GNAO1: variants seen among roughly 807,000 people sequenced by gnomAD.
The protein encoded by GNAO1 is G protein subunit alpha o1, also known as guanine nucleotide-binding protein G(o) subunit alpha.
For missense variants in GNAO1, 166 were observed against 478.7 expected (o/e 0.35, Z 6.10); for synonymous variants, 164 against 180.7 (o/e 0.91, Z 0.74).
chr16:56,232,781 AGGGGTTGG>A (rs2036602493), intron 2 of GNAO1, among the ~76,000 whole-genome samples: 1 of 152,198 alleles, frequency 6.6e-6, no homozygotes, highest in Non-Finnish European at 1.5e-5. Context: ...CCTCCTCAAA[AGGGGTTGG>A]GGTGAAGCGC....
At chr16:56,192,974 GTC>G (rs2036194259) in intron 2 of GNAO1, 2 of 220,058 alleles carry the variant, frequency 9.1e-6, no homozygotes, top group Admixed American at 1.0e-4. Context: ...TTCTGTCTGT[GTC>G]TCTGTTTCAT....
intron 4 of GNAO1, 114 bp downstream of exon 4, chr16:56,328,905 C>A: frequency 9.7e-7 from 1 of 1,027,902 alleles, no homozygotes; most frequent in Non-Finnish European, 1.4e-6. Flanking sequence ...TCACGCCTGC[C>A]GGGAGATGTT....
intron 2 of GNAO1, chr16:56,194,439 A>G (rs1342449550): frequency 1.4e-5 from 5 of 357,750 alleles, no homozygotes; most frequent in African/African-American, 1.1e-4. Context: ...GCCCAGTAGA[A>G]GCCCCAGCCA....
At chr16:56,240,815 C>T (rs118021611) in intron 2 of GNAO1, among the ~76,000 whole-genome samples, 1,857 of 152,174 alleles carry the variant, frequency 0.012, 54 homozygotes, top group South Asian at 0.069. Flanking sequence ...TGCACAGTCA[C>T]GAGGAGAAGG....
At chr16:56,257,675 G>A (rs771708236) in intron 2 of GNAO1, among the ~76,000 whole-genome samples, 10 of 152,290 alleles carry the variant, frequency 6.6e-5, no homozygotes, top group East Asian at 3.9e-4. Flanking sequence ...ACTACAGCCC[G>A]TATTTATTAG....
chr16:56,345,060 G>A (rs1217673546), intron 6 of GNAO1: 5 of 982,086 alleles, frequency 5.1e-6, no homozygotes, highest in Non-Finnish European at 6.0e-6. Context: ...ACACCCCCCT[G>A]TCCCCAACTC....
At chr16:56,220,954 G>C (rs1354352695) in intron 2 of GNAO1, among the ~76,000 whole-genome samples, 2 of 152,050 alleles carry the variant, frequency 1.3e-5, no homozygotes, top group African/African-American at 4.8e-5. Context: ...CACCATCTTG[G>C]CCAGGCTGGT....
intron 3 of GNAO1, among the ~76,000 whole-genome samples, chr16:56,295,325 G>C (rs980629335): frequency 6.6e-6 from 1 of 152,214 alleles, no homozygotes; most frequent in East Asian, 1.9e-4. Context: ...GGTCCTTCTC[G>C]TCTGTTCTCT....
At chr16:56,296,770 CCAAA>C (rs1344492747) in intron 3 of GNAO1, among the ~76,000 whole-genome samples, 3 of 152,190 alleles carry the variant, frequency 2.0e-5, no homozygotes, top group Non-Finnish European at 4.4e-5. Context: ...TTCTGGGAAA[CCAAA>C]CAGAGCCCGT....
intron 3 of GNAO1, among the ~76,000 whole-genome samples, chr16:56,328,319 G>A (rs2037655697): frequency 1.3e-5 from 2 of 152,188 alleles, no homozygotes; most frequent in African/African-American, 2.4e-5. Context: ...CCTGCTGGTT[G>A]AGTTGGAGAG....
At chr16:56,247,303 C>G (rs2036756110) in intron 2 of GNAO1, among the ~76,000 whole-genome samples, 1 of 152,196 alleles carries the variant, frequency 6.6e-6, no homozygotes, top group African/African-American at 2.4e-5. Context: ...TGTCCCATGT[C>G]TCTGCCTGTC....
At chr16:56,319,778 G>T (rs2037553546) in intron 3 of GNAO1, among the ~76,000 whole-genome samples, 1 of 152,058 alleles carries the variant, frequency 6.6e-6, no homozygotes. Flanking sequence ...ACTTCTGGGG[G>T]GTACCTGTAC....
chr16:56,300,051 G>A (rs1476581865), intron 3 of GNAO1, among the ~76,000 whole-genome samples: 36 of 91,620 alleles, frequency 3.9e-4, no homozygotes, highest in Middle Eastern at 4.9e-3. Flanking sequence ...GCGCGCGCGC[G>A]CACGCACATG....
At chr16:56,231,584 G>A (rs947068823) in intron 2 of GNAO1, among the ~76,000 whole-genome samples, 1 of 152,196 alleles carries the variant, frequency 6.6e-6, no homozygotes, top group Non-Finnish European at 1.5e-5. Context: ...GAACAACTGG[G>A]AGGGACTAAA....
chr16:56,260,672 T>C (rs1203162673), intron 2 of GNAO1, among the ~76,000 whole-genome samples: 1 of 151,326 alleles, frequency 6.6e-6, no homozygotes, highest in Admixed American at 6.6e-5. Context: ...GGGATCGATG[T>C]GGAAGCCCAC....
At chr16:56,344,574 C>A in intron 6 of GNAO1, 2 of 986,180 alleles carry the variant, frequency 2.0e-6, no homozygotes, top group Non-Finnish European at 2.4e-6. Context: ...GAACTCCCAT[C>A]CCTGACTCCT....
chr16:56,205,901 C>G (rs1270369579), intron 2 of GNAO1, among the ~76,000 whole-genome samples: 1 of 152,068 alleles, frequency 6.6e-6, no homozygotes, highest in African/African-American at 2.4e-5. Context: ...GGTAAAAAAG[C>G]AGATCAGGAA....
intron 2 of GNAO1, among the ~76,000 whole-genome samples, chr16:56,221,095 C>A (rs1352728004): frequency 6.6e-6 from 1 of 152,138 alleles, no homozygotes; most frequent in Non-Finnish European, 1.5e-5. Context: ...TTCACCCCTT[C>A]CATGCCCTTT....
intron 3 of GNAO1, among the ~76,000 whole-genome samples, chr16:56,283,237 C>A (rs1461810387): frequency 6.6e-6 from 1 of 152,192 alleles, no homozygotes; most frequent in Non-Finnish European, 1.5e-5. Flanking sequence ...CAAGATTTTT[C>A]TGTTTCCATG....
Sources: allele counts gnomAD v4.1 joint callset (sites outside exome capture counted in the v4.1 genomes callset), GRCh38; gene constraint gnomAD v4.1.1; transcripts MANE v1.5; gene names NCBI Gene and HGNC (gene_info 2026-07-23, HGNC 2026-07-21).